The following CUX1 variants were observed in gnomAD, a reference collection of about 807,000 sequenced individuals.
CUX1 encodes cut like homeobox 1, also known as protein CASP.
Under a neutral mutation model 158.8 loss-of-function variants are expected in CUX1, and 31 were observed. The observed-to-expected ratio is 0.20, with a 90% CI of 0.15 to 0.26. The LOEUF is 0.26. Ranked by LOEUF, CUX1 falls within the 10% of genes least tolerant of loss-of-function variation. The pLI is 1.00. For missense variants in CUX1, 1,589 were observed against 2,014.6 expected, an observed-to-expected ratio of 0.79 and a Z score of 4.04; for synonymous variants, 879 against 862.1, an observed-to-expected ratio of 1.02 and a Z score of -0.34.
chr7:101,856,935 A>G (rs1434033056), intron 1 of CUX1, among the ~76,000 whole-genome samples: 1 of 152,148 alleles, frequency 6.6e-6, no homozygotes, highest in Non-Finnish European at 1.5e-5. Context: ...CTCCGCGGTC[A>G]TGCAGCCACG....
intron 1 of CUX1, among the ~76,000 whole-genome samples, chr7:101,836,944 C>T (rs1794703538): frequency 6.6e-6 from 1 of 152,194 alleles, no homozygotes; most frequent in African/African-American, 2.4e-5. Flanking sequence ...CTGAGTGAGT[C>T]AGTCCTGCAG....
chr7:102,273,251 C>A, intron 14 of CUX1: 1 of 1,409,256 alleles, frequency 7.1e-7, no homozygotes, highest in South Asian at 1.3e-5. Flanking sequence ...CCAGCACTCT[C>A]ACAGCATCCA....
At chr7:102,061,622 CAT>C (rs764848852) in intron 3 of CUX1, among the ~76,000 whole-genome samples, 3 of 152,230 alleles carry the variant, frequency 2.0e-5, no homozygotes, top group Non-Finnish European at 4.4e-5. Flanking sequence ...ATCAAACCCT[CAT>C]GTGCCAACAG....
chr7:102,169,890 A>G (rs1205643085), intron 9 of CUX1, among the ~76,000 whole-genome samples: 1 of 152,198 alleles, frequency 6.6e-6, no homozygotes, highest in Non-Finnish European at 1.5e-5. Flanking sequence ...CATTCAAAAC[A>G]CTTTGTCCAG....
chr7:101,821,864 T>TG (rs200056753), intron 1 of CUX1, among the ~76,000 whole-genome samples: 1,663 of 139,440 alleles, frequency 0.012, 46 homozygotes, highest in African/African-American at 0.042. Context: ...TTTGTTTTTT[T>TG]TTTTTTTTGA....
intron 10 of CUX1, among the ~76,000 whole-genome samples, chr7:102,176,696 T>C (rs1792394205): frequency 6.7e-6 from 1 of 149,466 alleles, no homozygotes; most frequent in Non-Finnish European, 1.5e-5. Flanking sequence ...CCCAGCCTCC[T>C]GAGTAGCTGG....
chr7:102,007,303 C>G (rs1817502980), intron 2 of CUX1, among the ~76,000 whole-genome samples: 1 of 152,148 alleles, frequency 6.6e-6, no homozygotes, highest in South Asian at 2.1e-4. Context: ...CACTCACTCA[C>G]TGAGGCCCTC....
intron 4 of CUX1, among the ~76,000 whole-genome samples, chr7:102,094,489 G>C (rs1554483333): frequency 1.3e-5 from 2 of 152,228 alleles, no homozygotes; most frequent in East Asian, 1.9e-4. Flanking sequence ...TAATGTGCGT[G>C]TCATTTTCAT....
At chr7:102,158,426 C>A in intron 8 of CUX1, 134 bp from the exon 9 acceptor site, 1 of 735,156 alleles carries the variant, frequency 1.4e-6, no homozygotes, top group East Asian at 2.6e-5. Flanking sequence ...GAGCCCACCT[C>A]CTCCTGCTGG....
At chr7:101,867,855 C>T (rs1338510781) in intron 1 of CUX1, among the ~76,000 whole-genome samples, 1 of 151,870 alleles carries the variant, frequency 6.6e-6, no homozygotes, top group East Asian at 1.9e-4. Flanking sequence ...TGCTGTGTTG[C>T]CCAGGCTGGA....
intron 2 of CUX1, among the ~76,000 whole-genome samples, chr7:101,984,105 T>TATATATATATATATATATATATAC (rs1813902436): frequency 2.9e-5 from 1 of 34,126 alleles, no homozygotes; most frequent in Admixed American, 2.5e-4. Flanking sequence ...TATATATATA[T>TATATATATATATATATATATATAC]ATATATATAT....
intron 1 of CUX1, among the ~76,000 whole-genome samples, chr7:101,914,459 CT>C (rs1803933052): frequency 4.2e-5 from 6 of 142,814 alleles, no homozygotes; most frequent in African/African-American, 1.6e-4. Context: ...TCCTTCCCTC[CT>C]TCCTTCCTTC....
At chr7:101,831,071 CA>C (rs1442880532) in intron 1 of CUX1, among the ~76,000 whole-genome samples, 1 of 152,070 alleles carries the variant, frequency 6.6e-6, no homozygotes, top group Non-Finnish European at 1.5e-5. Context: ...GAATGCAGGA[CA>C]CATTGGGGTA....
chr7:101,821,792 A>T (rs1188358050), intron 1 of CUX1, among the ~76,000 whole-genome samples: 4 of 120,910 alleles, frequency 3.3e-5, no homozygotes, highest in South Asian at 5.0e-4. Flanking sequence ...CTCCTTCCTT[A>T]GTCTCCCGAG....
intron 2 of CUX1, among the ~76,000 whole-genome samples, chr7:101,931,050 C>T (rs941792721): frequency 3.9e-5 from 6 of 152,168 alleles, no homozygotes; most frequent in African/African-American, 1.4e-4. Flanking sequence ...GAGCCGAGAT[C>T]ACGCCACTGC....
At chr7:102,073,165 C>CTTTTGTTT (rs1826329046) in intron 4 of CUX1, among the ~76,000 whole-genome samples, 1 of 66,890 alleles carries the variant, frequency 1.5e-5, no homozygotes, top group Non-Finnish European at 2.5e-5. Flanking sequence ...TCTTTTCTTT[C>CTTTTGTTT]TTTTTTTTTT....
At chr7:102,186,113 G>A (rs1372298009) in intron 11 of CUX1, among the ~76,000 whole-genome samples, 19 of 152,168 alleles carry the variant, frequency 1.2e-4, no homozygotes, top group Admixed American at 5.2e-4. Context: ...ACCCAACAAG[G>A]AGTTTCTGAT....
intron 2 of CUX1, among the ~76,000 whole-genome samples, chr7:101,936,860 G>A (rs1272566676): frequency 6.6e-6 from 1 of 152,186 alleles, no homozygotes; most frequent in Non-Finnish European, 1.5e-5. Flanking sequence ...TTCCAGGCAC[G>A]CAGGAGCTCC....
intron 2 of CUX1, among the ~76,000 whole-genome samples, chr7:101,989,590 A>G (rs1280423713): frequency 6.6e-6 from 1 of 152,198 alleles, no homozygotes; most frequent in Admixed American, 6.5e-5. Flanking sequence ...CGAAGACACC[A>G]TGGAGGTGGA....
Sources: gnomAD v4.1 joint callset for allele counts (sites outside exome capture counted in the v4.1 genomes callset) on GRCh38, gnomAD v4.1.1 for gene constraint, MANE v1.5 for transcripts, NCBI Gene and HGNC (gene_info 2026-07-23, HGNC 2026-07-21) for gene names.